TNIK: variants seen among roughly 807,000 people sequenced by gnomAD.
TNIK encodes TRAF2 and NCK interacting kinase.
In TNIK, 49 loss-of-function variants were observed where a neutral mutation model predicts 191.3. The ratio of observed to expected loss-of-function variants is 0.26; its 90% CI spans 0.20 to 0.32. TNIK has a LOEUF of 0.32. TNIK is among the 10% of genes least tolerant of loss of function. TNIK has a pLI of 1.00. For missense variants in TNIK, 1,155 were observed against 1,702.3 expected (o/e 0.68, Z 5.66); for synonymous variants, 594 against 600.9 (o/e 0.99, Z 0.17).
chr3:171,197,092 G>A (rs778952983), intron 4 of TNIK, among the ~76,000 whole-genome samples: 44 of 152,152 alleles, frequency 2.9e-4, no homozygotes, highest in Admixed American at 9.2e-4. Flanking sequence ...CTGTAGTTTT[G>A]TAAAAAGAAG....
chr3:171,244,083 C>CA (rs1355445814), intron 2 of TNIK, among the ~76,000 whole-genome samples: 8 of 109,016 alleles, frequency 7.3e-5, no homozygotes, highest in African/African-American at 2.6e-4. Context: ...TTTTTTAAGA[C>CA]AGAGTCTCGC....
chr3:171,252,474 G>A (rs1015204713), intron 2 of TNIK, among the ~76,000 whole-genome samples: 1 of 152,164 alleles, frequency 6.6e-6, no homozygotes, highest in Non-Finnish European at 1.5e-5. Context: ...ATATCTGAAA[G>A]TGTCATAAAT....
intron 2 of TNIK, among the ~76,000 whole-genome samples, chr3:171,260,108 C>T (rs1300564268): frequency 1.3e-5 from 2 of 152,098 alleles, no homozygotes; most frequent in Non-Finnish European, 2.9e-5. Context: ...CATCCTCCAC[C>T]ATGCCCCAGG....
At chr3:171,435,074 C>G (rs1725868422) in intron 1 of TNIK, among the ~76,000 whole-genome samples, 1 of 152,172 alleles carries the variant, frequency 6.6e-6, no homozygotes. Flanking sequence ...TTCTGTGATT[C>G]TCCTGGCTTT....
intron 2 of TNIK, among the ~76,000 whole-genome samples, chr3:171,280,106 G>A (rs1014086237): frequency 3.9e-5 from 6 of 152,090 alleles, no homozygotes; most frequent in South Asian, 2.1e-4. Context: ...TGTCTCGCAC[G>A]TTCCCTCCCG....
At chr3:171,081,486 G>C (rs998783427) in intron 27 of TNIK, among the ~76,000 whole-genome samples, 3 of 149,636 alleles carry the variant, frequency 2.0e-5, no homozygotes, top group Non-Finnish European at 1.5e-5. Context: ...ACTCTGGTCT[G>C]GGGGTGCAGC....
intron 30 of TNIK, among the ~76,000 whole-genome samples, chr3:171,068,301 C>T (rs569353343): frequency 2.0e-5 from 3 of 151,978 alleles, no homozygotes; most frequent in Non-Finnish European, 2.9e-5. Flanking sequence ...TCTTTTTATC[C>T]ATATTTTACA....
chr3:171,459,363 G>T (rs1729159282), intron 1 of TNIK, among the ~76,000 whole-genome samples: 1 of 152,216 alleles, frequency 6.6e-6, no homozygotes, highest in Non-Finnish European at 1.5e-5. Flanking sequence ...GAAAGAACAG[G>T]CAGGGCTGAG....
intron 17 of TNIK, among the ~76,000 whole-genome samples, chr3:171,124,659 C>T (rs188936105): frequency 1.3e-5 from 2 of 152,264 alleles, no homozygotes; most frequent in African/African-American, 2.4e-5. Context: ...TAAAGTAAAG[C>T]AGAATGACCA....
intron 1 of TNIK, among the ~76,000 whole-genome samples, chr3:171,393,300 T>C (rs1017768678): frequency 6.6e-6 from 1 of 152,210 alleles, no homozygotes; most frequent in African/African-American, 2.4e-5. Flanking sequence ...TCTTAGACAT[T>C]CCTGGCTGGA....
chr3:171,260,104 C>T (rs1747407818), intron 2 of TNIK, among the ~76,000 whole-genome samples: 1 of 152,132 alleles, frequency 6.6e-6, no homozygotes, highest in African/African-American at 2.4e-5. Context: ...TCCTCATCCT[C>T]CACCATGCCC....
chr3:171,267,102 A>C (rs1464369958), intron 2 of TNIK, among the ~76,000 whole-genome samples: 3 of 152,226 alleles, frequency 2.0e-5, no homozygotes, highest in Non-Finnish European at 4.4e-5. Context: ...TAAAGGATTC[A>C]TTTAAAAATT....
chr3:171,157,627 TC>T lies in TNIK; in HGVS notation c.1053del (p.Arg352GlyfsTer4). On this transcript the variant is annotated frameshift_variant, in exon 12 of 33. Coordinates refer to ENST00000436636, the MANE Select transcript of TNIK (RefSeq NM_015028.4). LOFTEE classifies it high-confidence loss of function. ...GCCAGCTGCAGCCTCAGAAAGTCCC[TC>T]CGCAGCGTCGACTCCCCTGGCAGAT... Reference protein sequence around the residue: ...ILNLPGESTLRRDFLRLQLAN... With the variant: ...ILNLPGESTLXRDFLRLQLAN... 1 of 1,556,198 alleles carries T rather than the reference TC, an allele frequency of 6.4e-7. No homozygotes were observed. Among genetic ancestry groups the T allele is most frequent in the Non-Finnish European group, 8.7e-7 (1 of 1,149,904 alleles).
intron 4 of TNIK, among the ~76,000 whole-genome samples, chr3:171,202,727 C>A (rs1010268163): frequency 1.3e-5 from 2 of 152,158 alleles, no homozygotes; most frequent in African/African-American, 4.8e-5. Context: ...TATTAAGTTA[C>A]GTGTAGCTTC....
At chr3:171,152,328 A>G (rs1732556027) in intron 12 of TNIK, among the ~76,000 whole-genome samples, 1 of 152,144 alleles carries the variant, frequency 6.6e-6, no homozygotes, top group South Asian at 2.1e-4. Context: ...ATGGTAACAG[A>G]GAATGTGAAC....
At chr3:171,426,331 C>T (rs955916757) in intron 1 of TNIK, among the ~76,000 whole-genome samples, 8 of 146,622 alleles carry the variant, frequency 5.5e-5, no homozygotes, top group African/African-American at 2.0e-4. Flanking sequence ...CGCATGTTCT[C>T]ACTCATAGGT....
intron 2 of TNIK, among the ~76,000 whole-genome samples, chr3:171,248,086 A>T (rs9819421): frequency 3.9e-5 from 6 of 152,048 alleles, no homozygotes; most frequent in Admixed American, 2.6e-4. Flanking sequence ...ACATTGAGTT[A>T]GGATGAAAGA....
At chr3:171,263,131 A>C (rs1471233524) in intron 2 of TNIK, among the ~76,000 whole-genome samples, 1 of 152,220 alleles carries the variant, frequency 6.6e-6, no homozygotes, top group Admixed American at 6.5e-5. Context: ...CTTAAAAACA[A>C]GCAAGTTGGG....
intron 2 of TNIK, among the ~76,000 whole-genome samples, chr3:171,277,533 T>C: frequency 6.6e-6 from 1 of 152,190 alleles, no homozygotes; most frequent in East Asian, 1.9e-4. Context: ...AAAATAATAT[T>C]GTAAATGTAC....
Sources: gnomAD v4.1 joint callset for allele counts (sites outside exome capture counted in the v4.1 genomes callset) on GRCh38, gnomAD v4.1.1 for gene constraint, MANE v1.5 for transcripts, NCBI Gene and HGNC (gene_info 2026-07-23, HGNC 2026-07-21) for gene names.